HMMR: variants seen among roughly 807,000 people sequenced by gnomAD.
HMMR encodes the protein hyaluronan mediated motility receptor.
A neutral mutation model predicts 101.0 loss-of-function variants in HMMR; 108 were observed. The observed-to-expected ratio is 1.07, with a 90% CI of 0.92 to 1.25. HMMR has a LOEUF of 1.25. Ranked by LOEUF, HMMR falls within the 50% of genes most tolerant of loss-of-function variation. The pLI is 0.00. For missense variants in HMMR, 813 were observed against 788.7 expected (o/e 1.03, Z -0.37); for synonymous variants, 296 against 276.4 (o/e 1.07, Z -0.70).
In HMMR at chr5:163,490,411, C is replaced by T; in HGVS notation, c.1984C>T (p.Gln662Ter). The change falls in exon 17 of 18, where the codon CAG becomes TAG. Residue 662 changes from glutamine (Q) to a stop codon, truncating the protein, a stop_gained. Coordinates refer to ENST00000393915, the MANE Select transcript of HMMR (RefSeq NM_001142556.2). LOFTEE classifies it high-confidence loss of function. ...LKSEVSKLRCQLAKKKQSETK... is the reference protein window; with the variant it reads ...LKSEVSKLRC ...CTAGGAAGTATCAAAACTCCGCTGT[C>T]AGCTTGCTAAAAAAAAACAAAGTGA... 1 of 1,582,370 alleles carries T rather than the reference C, an allele frequency of 6.3e-7. No individual in the cohort carries two copies. The highest frequency in any genetic ancestry group is 8.6e-7 in the Non-Finnish European group (1 of 1,165,450).
At chr5:163,489,410 GT>G (rs1759599203) in intron 16 of HMMR, 1 of 152,386 alleles carries the variant, frequency 6.6e-6, no homozygotes, top group African/African-American at 2.4e-5. Flanking sequence ...GGAGCTCCCT[GT>G]TTTATGGCCT....
chr5:163,474,221 A>G lies in HMMR; in HGVS notation c.1053+16A>G. ...ACAAGAGAAAGTAATTTACCACCAT[A>G]TTTTTTTAAACTGTTCATTTTGTGT... On this transcript the variant is annotated intron_variant, in intron 10 of 17. Transcript: ENST00000393915. 1 of 1,589,252 alleles carries G rather than the reference A, an allele frequency of 6.3e-7. No individual in the cohort carries two copies. The highest frequency in any genetic ancestry group is 8.6e-7 in the Non-Finnish European group (1 of 1,165,352).
At position 163,469,755 on chromosome 5, in the gene HMMR, C is replaced by G. The variant is rs760131324; in HGVS notation, c.388C>G (p.Leu130Val). ...TGCTGCACTAAGGGAAAAAACATCT[C>G]TCTCTGCAAATAATGCTACACTGGA... is the stretch of plus-strand genomic sequence containing the variant. Reference protein sequence around the residue: ...LNAALREKTSLSANNATLEKQ... With the variant: ...LNAALREKTSVSANNATLEKQ... The change falls in exon 5 of 18, where the codon CTC (leucine) becomes GTC (valine). Residue 130 changes from leucine (L) to valine (V), a missense_variant. By Grantham distance (32) the Leu-to-Val change is conservative (BLOSUM62 1). Coordinates refer to ENST00000393915, the MANE Select transcript of HMMR (RefSeq NM_001142556.2). The G allele has an allele frequency of 3.1e-6, 5 of 1,612,572 alleles. No homozygotes were observed. Among genetic ancestry groups the G allele is most frequent in the Middle Eastern group, 1.7e-4 (1 of 6,058 alleles).
At chr5:163,488,663 G>A (rs1759569053) in intron 16 of HMMR, among the ~76,000 whole-genome samples, 1 of 152,208 alleles carries the variant, frequency 6.6e-6, no homozygotes, top group South Asian at 2.1e-4. Flanking sequence ...TGGTAGGGCT[G>A]CCTTCCTCTC....
At chr5:163,486,910 C>G (rs1759493970) in intron 16 of HMMR, among the ~76,000 whole-genome samples, 1 of 152,232 alleles carries the variant, frequency 6.6e-6, no homozygotes, top group Non-Finnish European at 1.5e-5. Context: ...GAAACCTCGT[C>G]TCTACTAAAA....
At chr5:163,464,952 G>A (rs908609353) in intron 3 of HMMR, 150 bp downstream of exon 3, 7 of 596,762 alleles carry the variant, frequency 1.2e-5, no homozygotes, top group African/African-American at 3.7e-5. Flanking sequence ...TAGAACTCTA[G>A]CAAGTTTTAC....
intron 10 of HMMR, 173 bp downstream of exon 10, chr5:163,474,378 C>T (rs988270213): frequency 1.1e-5 from 6 of 568,886 alleles, no homozygotes; most frequent in Admixed American, 3.0e-5. Flanking sequence ...ATTTTCACTA[C>T]ATGTTCACCC....
intron 5 of HMMR, among the ~76,000 whole-genome samples, 195 bp from the exon 6 acceptor site, chr5:163,470,990 T>A (rs1758868571): frequency 6.6e-6 from 1 of 152,000 alleles, no homozygotes; most frequent in Non-Finnish European, 1.5e-5. Flanking sequence ...CGAGACTTGA[T>A]CTCTTAAAAA....
intron 12 of HMMR, among the ~76,000 whole-genome samples, chr5:163,480,398 G>C (rs1759216174): frequency 6.6e-6 from 1 of 152,076 alleles, no homozygotes; most frequent in Non-Finnish European, 1.5e-5. Context: ...GTTGTCTGAG[G>C]CTATGGTTTG....
At chr5:163,461,003 A>G (rs1758513365) in intron 1 of HMMR, among the ~76,000 whole-genome samples, 1 of 152,200 alleles carries the variant, frequency 6.6e-6, no homozygotes, top group South Asian at 2.1e-4. Context: ...GCGGTAATGG[A>G]GAAACTACAG....
intron 12 of HMMR, among the ~76,000 whole-genome samples, chr5:163,480,598 A>G (rs1006781309): frequency 1.1e-4 from 17 of 150,956 alleles, no homozygotes; most frequent in African/African-American, 4.1e-4. Flanking sequence ...ACTTAATATC[A>G]AATCACTTTC....
chr5:163,478,843 A>G, intron 12 of HMMR, 43 bp downstream of exon 12: 2 of 1,055,284 alleles, frequency 1.9e-6, no homozygotes, highest in Non-Finnish European at 3.0e-6. Flanking sequence ...TGATGTGTGC[A>G]GAAAGGGGTG....
At chr5:163,468,115 T>A (rs1354966055) in intron 4 of HMMR, among the ~76,000 whole-genome samples, 1 of 152,238 alleles carries the variant, frequency 6.6e-6, no homozygotes, top group Non-Finnish European at 1.5e-5. Flanking sequence ...GATTTCTTAG[T>A]GAGCATGCAA....
intron 12 of HMMR, among the ~76,000 whole-genome samples, chr5:163,479,918 T>C (rs188986672): frequency 1.3e-5 from 2 of 152,306 alleles, no homozygotes; most frequent in Non-Finnish European, 2.9e-5. Context: ...AACTACAAAT[T>C]ACAAAGGCCA....
intron 15 of HMMR, 148 bp from the exon 16 acceptor site, chr5:163,483,921 A>G (rs299311): frequency 0.23 from 118,450 of 510,058 alleles, 14,856 homozygotes; most frequent in African/African-American, 0.27. Flanking sequence ...AAAGATTCTC[A>G]TAGAGAATCT....
At chr5:163,478,823 C>A in intron 12 of HMMR, 23 bp downstream of exon 12, 1 of 1,272,074 alleles carries the variant, frequency 7.9e-7, no homozygotes, top group Non-Finnish European at 1.2e-6. Flanking sequence ...GGAGCCTGCA[C>A]TCTTAAATAT....
chr5:163,482,981 T>A, intron 13 of HMMR, 39 bp from the exon 14 acceptor site: 1 of 1,528,592 alleles, frequency 6.5e-7, no homozygotes, highest in Non-Finnish European at 8.8e-7. Context: ...TGAAAGTGGC[T>A]ATAAAATGTT....
At chr5:163,482,038 C>A (rs1476688580) in intron 12 of HMMR, among the ~76,000 whole-genome samples, 4 of 152,180 alleles carry the variant, frequency 2.6e-5, no homozygotes. Flanking sequence ...GCCTCAGCCT[C>A]CCGAGTAGCT....
At position 163,467,554 on chromosome 5, in the gene HMMR, G is replaced by A. The variant is rs888161787; in HGVS notation, c.226-147G>A. 12 of 493,220 alleles carry A rather than the reference G, an allele frequency of 2.4e-5. No homozygotes were observed. The East Asian group carries it at 4.6e-4, about 19-fold the overall frequency. 30.6% of individuals were successfully genotyped at this position (493,220 alleles called of 1,614,324 possible). A position where few individuals can be genotyped will look rare whatever the true frequency, so the allele number is the denominator to read the frequency against. ...AGAATATTTTATTTATCAGATGAGT[G>A]GCCTACACAATGTTTAACAGTGTAA... On this transcript the variant is annotated intron_variant, in intron 3 of 17. Transcript: ENST00000393915.
Sources: allele counts gnomAD v4.1 joint callset (sites outside exome capture counted in the v4.1 genomes callset), GRCh38; gene constraint gnomAD v4.1.1; transcripts MANE v1.5; gene names NCBI Gene and HGNC (gene_info 2026-07-23, HGNC 2026-07-21).